The following VWA3B variants were observed in gnomAD, a reference collection of about 807,000 sequenced individuals.
VWA3B encodes the protein von Willebrand factor A domain-containing protein 3B.
A neutral mutation model predicts 158.3 loss-of-function variants in VWA3B; 138 were observed. That is an observed-to-expected ratio of 0.87 (90% CI 0.76 to 1.00). The LOEUF (loss-of-function observed/expected upper bound fraction) is 1.00, where lower values mean the gene tolerates loss of function less well. Ranked by LOEUF, VWA3B falls within the 50% of genes least tolerant of loss-of-function variation. VWA3B has a pLI of 0.00. For missense variants in VWA3B, 1,555 were observed against 1,565.1 expected (o/e 0.99, Z 0.11); for synonymous variants, 596 against 587.3 (o/e 1.01, Z -0.21).
chr2:98,135,983 G>A (rs1676252509), intron 7 of VWA3B, among the ~76,000 whole-genome samples: 1 of 149,476 alleles, frequency 6.7e-6, no homozygotes, highest in South Asian at 2.1e-4. Flanking sequence ...CTCGTTTGGT[G>A]GGGGAGTGAC....
intron 26 of VWA3B, among the ~76,000 whole-genome samples, chr2:98,309,636 G>T (rs909174568): frequency 6.6e-6 from 1 of 152,228 alleles, no homozygotes; most frequent in African/African-American, 2.4e-5. Context: ...ACCCCGTGTA[G>T]TGTTGTGGAC....
At chr2:98,174,016 A>G (rs1256095262) in intron 8 of VWA3B, among the ~76,000 whole-genome samples, 1 of 152,150 alleles carries the variant, frequency 6.6e-6, no homozygotes, top group Non-Finnish European at 1.5e-5. Context: ...CTATTGAGGA[A>G]TTATATTTCG....
chr2:98,088,436 G>A (rs765126625), intron 1 of VWA3B, among the ~76,000 whole-genome samples: 3 of 152,100 alleles, frequency 2.0e-5, no homozygotes, highest in South Asian at 2.1e-4. Flanking sequence ...AGTAGACGGG[G>A]CCCTTGTACA....
chr2:98,213,581 A>G (rs1213915159), intron 13 of VWA3B, among the ~76,000 whole-genome samples: 1 of 152,214 alleles, frequency 6.6e-6, no homozygotes, highest in Non-Finnish European at 1.5e-5. Flanking sequence ...CAAGGCAGAA[A>G]GGAGTCAGGA....
chr2:98,282,371 A>G (rs1165157012), intron 22 of VWA3B, among the ~76,000 whole-genome samples: 1 of 152,140 alleles, frequency 6.6e-6, no homozygotes, highest in Non-Finnish European at 1.5e-5. Flanking sequence ...GGAATCAACC[A>G]GAAATGAATT....
intron 20 of VWA3B, among the ~76,000 whole-genome samples, chr2:98,252,269 T>C (rs1686847650): frequency 6.6e-6 from 1 of 152,208 alleles, no homozygotes; most frequent in South Asian, 2.1e-4. Context: ...CTGCATACCC[T>C]ATTCCTAGCA....
chr2:98,224,819 A>G (rs1684786250), intron 14 of VWA3B, among the ~76,000 whole-genome samples: 2 of 152,172 alleles, frequency 1.3e-5, no homozygotes, highest in African/African-American at 2.4e-5. Flanking sequence ...AATTCTACAT[A>G]GGTAGGTTCA....
intron 8 of VWA3B, among the ~76,000 whole-genome samples, chr2:98,169,715 CTGTGTGTGTGTGTGTG>C (rs61535424): frequency 8.0e-4 from 107 of 134,334 alleles, no homozygotes; most frequent in Middle Eastern, 3.8e-3. Flanking sequence ...CCTGGGCATT[CTGTGTGTGTGTGTGTG>C]TGTGTGTGTG....
chr2:98,317,812 T>C (rs1691121722), downstream of VWA3B, among the ~76,000 whole-genome samples: 1 of 152,206 alleles, frequency 6.6e-6, no homozygotes, highest in Non-Finnish European at 1.5e-5. Context: ...GAGGGCTGTG[T>C]CACGGGCCAT....
chr2:98,230,014 CT>C, intron 15 of VWA3B, 35 bp from the exon 16 acceptor site: 3 of 1,538,608 alleles, frequency 1.9e-6, no homozygotes, highest in Admixed American at 2.2e-5. Context: ...TTTTCTCTCT[CT>C]TTTTTTGCTC....
intron 7 of VWA3B, among the ~76,000 whole-genome samples, chr2:98,156,198 G>A (rs182675858): frequency 3.3e-5 from 5 of 152,282 alleles, no homozygotes; most frequent in African/African-American, 7.2e-5. Flanking sequence ...GGATATAATC[G>A]GCAATGATGG....
At chr2:98,169,403 G>A (rs1013239120) in intron 8 of VWA3B, among the ~76,000 whole-genome samples, 5 of 150,104 alleles carry the variant, frequency 3.3e-5, no homozygotes, top group Non-Finnish European at 7.4e-5. Flanking sequence ...AAAATAACAA[G>A]ACAAGCTGAC....
intron 2 of VWA3B, among the ~76,000 whole-genome samples, chr2:98,095,154 C>G (rs372873183): frequency 2.8e-4 from 43 of 152,116 alleles, no homozygotes; most frequent in African/African-American, 9.4e-4. Flanking sequence ...TTTTCTATGT[C>G]TGTGAAGAAT....
chr2:98,095,801 A>G (rs985926493), intron 2 of VWA3B, among the ~76,000 whole-genome samples: 1 of 152,160 alleles, frequency 6.6e-6, no homozygotes, highest in African/African-American at 2.4e-5. Context: ...TCTTCTATAC[A>G]TAATTTGTTG....
chr2:98,234,878 A>C, intron 17 of VWA3B, 111 bp downstream of exon 17: 1 of 1,462,280 alleles, frequency 6.8e-7, no homozygotes, highest in Non-Finnish European at 9.1e-7. Flanking sequence ...AAATGGGCCC[A>C]GATTGCTTCC....
At chr2:98,276,549 T>C (rs189416029) in intron 22 of VWA3B, among the ~76,000 whole-genome samples, 223 of 152,288 alleles carry the variant, frequency 1.5e-3, no homozygotes, top group African/African-American at 5.1e-3. Context: ...AGCAGCAAAA[T>C]GGGGATGAGA....
chr2:98,156,599 C>A (rs193140798), intron 7 of VWA3B, among the ~76,000 whole-genome samples: 1 of 151,434 alleles, frequency 6.6e-6, no homozygotes, highest in Admixed American at 6.6e-5. Flanking sequence ...TTTTTATGCG[C>A]TATAGATCCC....
chr2:98,090,014 G>C (rs1380076412), intron 1 of VWA3B, among the ~76,000 whole-genome samples: 1 of 151,952 alleles, frequency 6.6e-6, no homozygotes, highest in African/African-American at 2.4e-5. Context: ...ATCTTATTAG[G>C]GCAGTTTATG....
intron 12 of VWA3B, among the ~76,000 whole-genome samples, chr2:98,195,243 C>T (rs1681943771): frequency 6.6e-6 from 1 of 152,172 alleles, no homozygotes; most frequent in African/African-American, 2.4e-5. Context: ...AGCCCAGCAA[C>T]TTGAGACCAG....
Sources: allele counts gnomAD v4.1 joint callset (sites outside exome capture counted in the v4.1 genomes callset), GRCh38; gene constraint gnomAD v4.1.1; transcripts MANE v1.5; gene names NCBI Gene and HGNC (gene_info 2026-07-23, HGNC 2026-07-21).